Variants in FLRT2 observed in about 807,000 individuals in gnomAD.
FLRT2 encodes the protein leucine-rich repeat transmembrane protein FLRT2.
A neutral mutation model predicts 40.0 loss-of-function variants in FLRT2; 15 were observed. The ratio of observed to expected loss-of-function variants is 0.38; its 90% confidence interval spans 0.25 to 0.58. FLRT2 has a LOEUF of 0.58. Among genes scored for constraint, FLRT2 ranks in the 20% least tolerant of loss-of-function variants. The pLI, the probability that FLRT2 is intolerant of heterozygous loss-of-function variation, is 0.71. For synonymous variants in FLRT2, 380 were observed against 336.8 expected, an observed-to-expected ratio of 1.13 and a Z score of -1.41; for missense variants, 726 against 840.0, an observed-to-expected ratio of 0.86 and a Z score of 1.68.
chr14:85,623,600 A>G lies in FLRT2; in HGVS notation c.*103A>G. The G allele has an allele frequency of 1.1e-6, 1 of 944,528 alleles. No homozygotes were observed. The highest frequency in any genetic ancestry group is 1.5e-6 in the Non-Finnish European group (1 of 680,234). The allele number at this position is 944,528 out of a possible 1,614,324, so 58.5% of individuals were successfully genotyped here. On this transcript the variant is annotated 3_prime_UTR_variant, in exon 2 of 2. Coordinates refer to ENST00000330753, the MANE Select transcript of FLRT2 (RefSeq NM_013231.6). ...AGATTACATTTGATAAATGTTACAC[A>G]GATGCATTTGTGCATTTGAATACTC...
intron 1 of FLRT2, among the ~76,000 whole-genome samples, chr14:85,555,882 G>T (rs1889928599): frequency 1.3e-5 from 2 of 151,768 alleles, no homozygotes; most frequent in Non-Finnish European, 2.9e-5. Flanking sequence ...AAATGAATCT[G>T]GTGAGGAAAG....
In FLRT2 at chr14:85,621,946, C is replaced by T. The variant is rs199559498; in HGVS notation, c.432C>T (p.Ser144=). Reference sequence around the variant, plus strand: ...AAGAGCTGCACCTGGATGACAACTCCATATCCACAGTGGGGGTGGAAGACG... The same window carrying T: ...AAGAGCTGCACCTGGATGACAACTCTATATCCACAGTGGGGGTGGAAGACG... ...KLEELHLDDN[S]ISTVGVEDGA... The change falls in exon 2 of 2, where the codon TCC becomes TCT. Residue 144 remains serine (S), a synonymous_variant. Transcript: ENST00000330753. 10 of 1,601,494 alleles carry T rather than the reference C, an allele frequency of 6.2e-6. No individual in the cohort carries two copies. In the East Asian group the frequency reaches 2.0e-4, roughly 32 times the overall value.
chr14:85,615,858 G>T (rs935718148), intron 1 of FLRT2, among the ~76,000 whole-genome samples: 3 of 152,128 alleles, frequency 2.0e-5, no homozygotes, highest in Non-Finnish European at 4.4e-5. Context: ...GATTGGCAAT[G>T]CTTATTGACA....
Position 85,628,241 on chromosome 14 carries a change from T to C in FLRT2, c.*4744T>C, listed in dbSNP as rs892456923. 2 of 152,222 alleles carry C rather than the reference T, an allele frequency of 1.3e-5. No individual in the cohort carries two copies. The highest frequency in any genetic ancestry group is 2.4e-5 in the African/African-American group (1 of 41,458). The allele number at this position is 152,222 out of a possible 1,614,324, so 9.4% of individuals were successfully genotyped here. ...GTTGTTTAGGATACAGATAATGTCA[T>C]TGTATTTATCCTATCAGAATAGGCT... On this transcript the variant is annotated 3_prime_UTR_variant, in exon 2 of 2. Coordinates refer to ENST00000330753, the MANE Select transcript of FLRT2 (RefSeq NM_013231.6).
Position 85,636,409 on chromosome 14 carries a change from C to CAAA in FLRT2, c.*12916_*12918dup, listed in dbSNP as rs1251468574. The CAAA allele has an allele frequency of 1.2e-5, 1 of 84,934 alleles. No individual in the cohort carries two copies. The highest frequency in any genetic ancestry group is 2.5e-5 in the Non-Finnish European group (1 of 39,814). The allele number at this position is 84,934 out of a possible 1,614,324, so 5.3% of individuals were successfully genotyped here. A position where few individuals can be genotyped will look rare whatever the true frequency, so the allele number is the denominator to read the frequency against. Reference sequence around the variant, plus strand: ...CCTGCAGAAAAAAAAAAAAAAAAAACAAAAAACATTCTTATTAATCTTAAC... The same window carrying CAAA: ...CCTGCAGAAAAAAAAAAAAAAAAAACAAAAAAAAACATTCTTATTAATCTTAAC... On this transcript the variant is annotated 3_prime_UTR_variant, in exon 2 of 2. Coordinates refer to ENST00000330753, the MANE Select transcript of FLRT2 (RefSeq NM_013231.6).
chr14:85,614,632 C>T (rs931209281), intron 1 of FLRT2, among the ~76,000 whole-genome samples: 1 of 152,066 alleles, frequency 6.6e-6, no homozygotes. Context: ...TGACAAATTG[C>T]ACCTGACCCA....
intron 1 of FLRT2, among the ~76,000 whole-genome samples, chr14:85,603,591 C>A (rs1011834867): frequency 3.9e-5 from 6 of 151,966 alleles, no homozygotes; most frequent in African/African-American, 1.5e-4. Context: ...GGATTGAGAC[C>A]AGGCACGGTG....
At chr14:85,533,766 G>A (rs986434166) in intron 1 of FLRT2, among the ~76,000 whole-genome samples, 1 of 151,694 alleles carries the variant, frequency 6.6e-6, no homozygotes, top group African/African-American at 2.4e-5. Flanking sequence ...GAGGCGAGCT[G>A]GGCGCCCCGG....
At chr14:85,601,473 A>C (rs1322420643) in intron 1 of FLRT2, among the ~76,000 whole-genome samples, 1 of 152,348 alleles carries the variant, frequency 6.6e-6, no homozygotes, top group African/African-American at 2.4e-5. Context: ...GGAAGACAGC[A>C]GGCTGTCCTA....
chr14:85,531,893 T>C (rs2139790819), intron 1 of FLRT2, among the ~76,000 whole-genome samples: 1 of 152,302 alleles, frequency 6.6e-6, no homozygotes. Flanking sequence ...TGTGAGCGCG[T>C]GTGCCAGCGT....
Position 85,626,323 on chromosome 14 carries a change from A to C in FLRT2, c.*2826A>C, listed in dbSNP as rs1391132604. 2 of 166,984 alleles carry C rather than the reference A, an allele frequency of 1.2e-5. No individual in the cohort carries two copies. The highest frequency in any genetic ancestry group is 1.5e-5 in the Non-Finnish European group (1 of 68,114). The allele number at this position is 166,984 out of a possible 1,614,324, so 10.3% of individuals were successfully genotyped here. On this transcript the variant is annotated 3_prime_UTR_variant, in exon 2 of 2. Transcript: ENST00000330753. The stretch of plus-strand genomic sequence containing the variant: ...TTGGGCCTCTCTTGCTGTCATTATG[A>C]TGTATTTTGAGATGATTAGTCAAGA...
chr14:85,582,074 G>A (rs1891411690), intron 1 of FLRT2, among the ~76,000 whole-genome samples: 1 of 152,172 alleles, frequency 6.6e-6, no homozygotes, highest in African/African-American at 2.4e-5. Context: ...CTTACATAAT[G>A]TTAACTACCA....
At chr14:85,576,092 T>G (rs78500334) in intron 1 of FLRT2, among the ~76,000 whole-genome samples, 2,286 of 152,246 alleles carry the variant, frequency 0.015, 64 homozygotes, top group African/African-American at 0.053. Context: ...TTTTCTCTGA[T>G]TAATAACCTA....
Position 85,646,708 on chromosome 14 carries a change from C to T in FLRT2, c.*23211C>T, listed in dbSNP as rs1259901500. On this transcript the variant is annotated 3_prime_UTR_variant, in exon 2 of 2. Transcript: ENST00000330753. Reference sequence around the variant, plus strand: ...CTTGGCTCAATGCAACCTCCTTCTCCCAGGTTCAAGGAATTCTCCTGCCTT... The same window carrying T: ...CTTGGCTCAATGCAACCTCCTTCTCTCAGGTTCAAGGAATTCTCCTGCCTT... 2.0e-5 allele frequency: 3 copies of T among 152,162 alleles called. No individual in the cohort carries two copies. Among genetic ancestry groups the T allele is most frequent in the Admixed American group, 6.5e-5 (1 of 15,268 alleles). 9.4% of individuals were successfully genotyped at this position (152,162 alleles called of 1,614,324 possible). A position where few individuals can be genotyped will look rare whatever the true frequency, so the allele number is the denominator to read the frequency against.
chr14:85,581,484 G>A (rs1891383986), intron 1 of FLRT2, among the ~76,000 whole-genome samples: 1 of 152,164 alleles, frequency 6.6e-6, no homozygotes, highest in African/African-American at 2.4e-5. Flanking sequence ...TCCACTTCTT[G>A]GAGCAATATG....
Position 85,586,916 on chromosome 14 carries a change from C to T in FLRT2, c.-376-34223C>T, listed in dbSNP as rs117734468. Among the ~76,000 whole-genome samples, 1,438 of 152,190 alleles carry T rather than the reference C, an allele frequency of 9.4e-3. 11 individuals carry two copies. The highest frequency in any genetic ancestry group is 0.012 in the Admixed American group (181 of 15,290). On this transcript the variant is annotated intron_variant, in intron 1 of 1. Transcript: ENST00000330753. ...AAGAAGTTCACATACAAAAGGTTGA[C>T]GTGGAAAGATAAGCTGGTTTTCATT...
chr14:85,602,918 T>C (rs934273186), intron 1 of FLRT2, among the ~76,000 whole-genome samples: 2 of 152,202 alleles, frequency 1.3e-5, no homozygotes, highest in Non-Finnish European at 2.9e-5. Flanking sequence ...TTGTTTTGTT[T>C]TGTTTTGCTT....
rs1892894020 is a variant in FLRT2 at position 85,611,956 on chromosome 14, GT to G, written c.-376-9182del. Among the ~76,000 whole-genome samples, 3 of 147,220 alleles carry G rather than the reference GT, an allele frequency of 2.0e-5. 1 individual carries two copies. In the South Asian group the frequency reaches 6.4e-4, roughly 32 times the overall value. On this transcript the variant is annotated intron_variant, in intron 1 of 1. Transcript: ENST00000330753. ...TGTGTGTGTGTGTGTGTGTGTGTGT[GT>G]GTGTGTATTGGGACCACCTTTCAGC...
At chr14:85,589,133 T>C (rs1311260906) in intron 1 of FLRT2, among the ~76,000 whole-genome samples, 1 of 152,182 alleles carries the variant, frequency 6.6e-6, no homozygotes, top group Non-Finnish European at 1.5e-5. Context: ...TATCCAGTAA[T>C]GCAATTGCTG....
Sources: gnomAD v4.1 joint callset for allele counts (sites outside exome capture counted in the v4.1 genomes callset) on GRCh38, gnomAD v4.1.1 for gene constraint, MANE v1.5 for transcripts, NCBI Gene and HGNC (gene_info 2026-07-23, HGNC 2026-07-21) for gene names.